Variants in KIAA0930 observed in about 807,000 individuals in gnomAD.
The protein encoded by KIAA0930 is uncharacterized protein KIAA0930.
A neutral mutation model predicts 43.9 loss-of-function variants in KIAA0930; 24 were observed. That is an observed-to-expected ratio of 0.55 (90% CI 0.40 to 0.77). The LOEUF is 0.77. KIAA0930 is among the 30% of genes least tolerant of loss of function. The pLI is 0.00. For missense variants in KIAA0930, 461 were observed against 574.2 expected (o/e 0.80, Z 2.02); for synonymous variants, 259 against 216.4 (o/e 1.20, Z -1.73).
At chr22:45,226,659 C>T (rs2083803065) in intron 1 of KIAA0930, 1 of 220,224 alleles carries the variant, frequency 4.5e-6, no homozygotes, top group African/African-American at 2.3e-5. Flanking sequence ...CTCACAGGGG[C>T]CTTATCCAAG....
At chr22:45,203,484 CTTGCTTAG>C (rs1463646988) in intron 6 of KIAA0930, among the ~76,000 whole-genome samples, 1 of 152,070 alleles carries the variant, frequency 6.6e-6, no homozygotes. Context: ...CCCACATCTG[CTTGCTTAG>C]TTGGGGGCGA....
chr22:45,239,006 T>C (rs778633900), intron 1 of KIAA0930, among the ~76,000 whole-genome samples: 1 of 152,146 alleles, frequency 6.6e-6, no homozygotes, highest in East Asian at 1.9e-4. Context: ...ACCCGGCACA[T>C]AGTAAGTGCT....
intron 8 of KIAA0930, among the ~76,000 whole-genome samples, chr22:45,199,473 G>A (rs553104666): frequency 6.6e-6 from 1 of 152,284 alleles, no homozygotes; most frequent in Admixed American, 6.5e-5. Context: ...GGGCGAGCTG[G>A]CCCAAGGCAG....
At chr22:45,215,438 T>C (rs2147751989) in intron 1 of KIAA0930, among the ~76,000 whole-genome samples, 1 of 152,108 alleles carries the variant, frequency 6.6e-6, no homozygotes, top group African/African-American at 2.4e-5. Flanking sequence ...GACGGCAGAG[T>C]ACAAAATTAA....
At chr22:45,211,221 C>T (rs977986810) in intron 2 of KIAA0930, 7 of 387,972 alleles carry the variant, frequency 1.8e-5, no homozygotes, top group Non-Finnish European at 2.3e-5. Context: ...CCTAGCTACA[C>T]GGCCCTCTCA....
At position 45,240,736 on chromosome 22, in the gene KIAA0930, C is replaced by G; in HGVS notation, c.-33G>C. Reference sequence around the variant, plus strand: ...AGCGAGCGCTCCTCGGCCTCGGCGCCGCCCGCAGGCTCGGGGGCGGCGGCG... The same window carrying G: ...AGCGAGCGCTCCTCGGCCTCGGCGCGGCCCGCAGGCTCGGGGGCGGCGGCG... On this transcript the variant is annotated 5_prime_UTR_variant, in exon 1 of 10. Transcript: ENST00000336156. 1.0e-6 allele frequency: 1 copy of G among 999,526 alleles called. No homozygotes were observed. The highest frequency in any genetic ancestry group is 1.2e-6 in the Non-Finnish European group (1 of 860,904). The allele number at this position is 999,526 out of a possible 1,614,324, so 61.9% of individuals were successfully genotyped here.
rs2147731830 is a variant in KIAA0930 at position 45,197,159 on chromosome 22, GC to G, written c.*16del. 6.5e-7 allele frequency: 1 copy of G among 1,543,428 alleles called. No individual in the cohort carries two copies. The highest frequency in any genetic ancestry group is 8.8e-7 in the Non-Finnish European group (1 of 1,142,662). On this transcript the variant is annotated 3_prime_UTR_variant, in exon 10 of 10. Coordinates refer to ENST00000336156, the MANE Select transcript of KIAA0930 (RefSeq NM_001009880.2). Reference sequence around the variant, plus strand: ...GGGCTGGGCCCGGCCGGGGCTCTGCGCAGGCTCCGCACGCGGCTAGGTCATC... The same window carrying G: ...GGGCTGGGCCCGGCCGGGGCTCTGCGAGGCTCCGCACGCGGCTAGGTCATC...
At chr22:45,216,380 C>A (rs1450599684) in intron 1 of KIAA0930, among the ~76,000 whole-genome samples, 2 of 151,918 alleles carry the variant, frequency 1.3e-5, no homozygotes, top group South Asian at 4.5e-4. Flanking sequence ...GCTGGCTGCA[C>A]GGCTCCAGCT....
rs2083510706 is a variant in KIAA0930, at chr22:45,193,721, C to T, written c.*3455G>A. ...TGTTCTCTTCTGACTACCTGTCACTCATGTTTTAAATAATCTTCTTTTGAA... is the reference window on the plus strand; with the variant it reads ...TGTTCTCTTCTGACTACCTGTCACTTATGTTTTAAATAATCTTCTTTTGAA... On this transcript the variant is annotated 3_prime_UTR_variant, in exon 10 of 10. Coordinates refer to ENST00000336156, the MANE Select transcript of KIAA0930 (RefSeq NM_001009880.2). 6.6e-6 allele frequency: 1 copy of T among 152,194 alleles called. No homozygotes were observed. The highest frequency in any genetic ancestry group is 2.4e-5 in the African/African-American group (1 of 41,450). The allele number at this position is 152,194 out of a possible 1,614,324, so 9.4% of individuals were successfully genotyped here.
Position 45,238,627 on chromosome 22 carries a change from AGAAAACAGCAGGTT to A in KIAA0930, c.64+1999_64+2012del, listed in dbSNP as rs138804724. The stretch of plus-strand genomic sequence containing the variant: ...TGAGTAGGGGCGGCTTTCCGGGCAG[AGAAAACAGCAGGTT>A]TTCTCTGCTTCAGAGCCCTGCAGGG... On this transcript the variant is annotated intron_variant, in intron 1 of 9. Coordinates refer to ENST00000336156, the MANE Select transcript of KIAA0930 (RefSeq NM_001009880.2). 4.4e-3 allele frequency among the ~76,000 whole-genome samples: 666 copies of A among 152,328 alleles called. 6 individuals carry two copies. The highest frequency in any genetic ancestry group is 0.015 in the African/African-American group (640 of 41,568).
intron 5 of KIAA0930, among the ~76,000 whole-genome samples, 186 bp downstream of exon 5, chr22:45,205,031 C>T (rs1161601320): frequency 2.6e-5 from 4 of 152,136 alleles, no homozygotes; most frequent in African/African-American, 9.7e-5. Flanking sequence ...GGAGGCTGCG[C>T]CGGGGAAATT....
In KIAA0930 at chr22:45,202,922, C is replaced by A. The variant is rs1601809943; in HGVS notation, c.852+68G>T. On this transcript the variant is annotated intron_variant, in intron 7 of 9. Coordinates refer to ENST00000336156, the MANE Select transcript of KIAA0930 (RefSeq NM_001009880.2). ...ACCTATGTCCCCAGGGGGCCGTGAG[C>A]ACGGGGGAGACGGTGGAAAGTGAAC... 19 of 1,367,512 alleles carry A rather than the reference C, an allele frequency of 1.4e-5. No homozygotes were observed. In the East Asian group the frequency reaches 4.5e-4, roughly 33 times the overall value. The allele number at this position is 1,367,512 out of a possible 1,614,324, so 84.7% of individuals were successfully genotyped here.
At chr22:45,223,205 C>A (rs78392285) in intron 1 of KIAA0930, among the ~76,000 whole-genome samples, 1 of 152,168 alleles carries the variant, frequency 6.6e-6, no homozygotes, top group East Asian at 1.9e-4. Context: ...CAGAACACTA[C>A]GCAGCAATTA....
In KIAA0930 at chr22:45,204,479, C is replaced by T. The variant is rs545522061; in HGVS notation, c.517-494G>A. Among the ~76,000 whole-genome samples, 4 of 152,240 alleles carry T rather than the reference C, an allele frequency of 2.6e-5. No homozygotes were observed. The South Asian group carries it at 8.3e-4, about 32-fold the overall frequency. ...GTGCACAGACTGTGAGCTCCGAGGCCACAAAGACTTAGACGCAAATCTCAG... is the reference window on the plus strand; with the variant it reads ...GTGCACAGACTGTGAGCTCCGAGGCTACAAAGACTTAGACGCAAATCTCAG... On this transcript the variant is annotated intron_variant, in intron 5 of 9. Transcript: ENST00000336156.
chr22:45,218,486 C>G (rs545702423), intron 1 of KIAA0930, among the ~76,000 whole-genome samples: 2 of 151,740 alleles, frequency 1.3e-5, no homozygotes, highest in South Asian at 4.2e-4. Context: ...GCTCGGCCAC[C>G]CTACAGTTTA....
At chr22:45,205,122 T>G in intron 5 of KIAA0930, 95 bp downstream of exon 5, 1 of 968,988 alleles carries the variant, frequency 1.0e-6, no homozygotes. Flanking sequence ...AAGCCACCCA[T>G]GCCTTTCTGC....
At chr22:45,207,445 C>G (rs1373420176) in intron 2 of KIAA0930, 2 of 151,768 alleles carry the variant, frequency 1.3e-5, no homozygotes, top group Non-Finnish European at 2.9e-5. Flanking sequence ...GCCCCAGCCT[C>G]CCAAGTACCT....
In KIAA0930 at chr22:45,205,489, G is replaced by A; in HGVS notation, c.414+141C>T. 4 of 896,856 alleles carry A rather than the reference G, an allele frequency of 4.5e-6. No individual in the cohort carries two copies. The South Asian group carries it at 4.6e-5, about 10-fold the overall frequency. 55.6% of individuals were successfully genotyped at this position (896,856 alleles called of 1,614,324 possible). ...TCTGTGCTCCTCGAATGGGATACGG[G>A]ATCCCAGGAGCTGAGCAGATTTCTG... On this transcript the variant is annotated intron_variant, in intron 4 of 9. Coordinates refer to ENST00000336156, the MANE Select transcript of KIAA0930 (RefSeq NM_001009880.2).
chr22:45,232,526 G>A (rs1190485013), intron 1 of KIAA0930, among the ~76,000 whole-genome samples: 3 of 152,050 alleles, frequency 2.0e-5, no homozygotes, highest in South Asian at 2.1e-4. Flanking sequence ...TGAGACAGTC[G>A]GGGTCCACTC....
Sources: gnomAD v4.1 joint callset for allele counts (sites outside exome capture counted in the v4.1 genomes callset) on GRCh38, gnomAD v4.1.1 for gene constraint, MANE v1.5 for transcripts, NCBI Gene and HGNC (gene_info 2026-07-23, HGNC 2026-07-21) for gene names.